The following BMPR1A variants were observed in gnomAD, a reference collection of about 807,000 sequenced individuals.
BMPR1A encodes the protein bone morphogenetic protein receptor type 1A.
BMPR1A carries 7 observed loss-of-function variants against 66.0 expected under a neutral mutation model. That is an observed-to-expected ratio of 0.11 (90% confidence interval 0.06 to 0.20). The LOEUF is 0.20. Ranked by LOEUF, BMPR1A falls within the 10% of genes least tolerant of loss-of-function variation. BMPR1A has a pLI of 1.00. For missense variants in BMPR1A, 408 were observed against 669.1 expected (o/e 0.61, Z 4.31); for synonymous variants, 200 against 229.7 (o/e 0.87, Z 1.17).
At chr10:86,790,174 AAAAAAAAAAAAAAAATATATATAT>A (rs1206252761) in intron 1 of BMPR1A, among the ~76,000 whole-genome samples, 12 of 38,394 alleles carry the variant, frequency 3.1e-4, no homozygotes, top group African/African-American at 8.4e-4. Context: ...AAAAAAAAAA[AAAAAAAAAAAAAAAATATATATAT>A]ATATATATAT....
intron 1 of BMPR1A, among the ~76,000 whole-genome samples, chr10:86,816,278 A>C (rs998229431): frequency 1.3e-5 from 2 of 152,236 alleles, no homozygotes; most frequent in African/African-American, 4.8e-5. Context: ...TTACATATTA[A>C]CATCTTGTAT....
In BMPR1A at chr10:86,838,955, A is replaced by G. The variant is rs1041400269; in HGVS notation, c.-177A>G. ...GCTGTTTGGAGAAAATCAGAAGTAC[A>G]GTTTTATCTAGCCACATCTTGGAGG... On this transcript the variant is annotated 5_prime_UTR_variant, in exon 2 of 13. Coordinates refer to ENST00000372037, the MANE Select transcript of BMPR1A (RefSeq NM_004329.3). The G allele has an allele frequency of 2.0e-5, 3 of 152,356 alleles. 1 individual carries two copies. In the South Asian group the frequency reaches 6.2e-4, roughly 32 times the overall value. 9.4% of individuals were successfully genotyped at this position (152,356 alleles called of 1,614,324 possible). A position where few individuals can be genotyped will look rare whatever the true frequency, so the allele number is the denominator to read the frequency against.
intron 1 of BMPR1A, among the ~76,000 whole-genome samples, chr10:86,821,110 A>G (rs1842114534): frequency 2.0e-5 from 3 of 152,184 alleles, no homozygotes; most frequent in Admixed American, 2.0e-4. Context: ...TATTGTGAGT[A>G]TATTTCCAAG....
At chr10:86,868,778 GTTTTTTT>G (rs55872033) in intron 2 of BMPR1A, among the ~76,000 whole-genome samples, 1 of 141,046 alleles carries the variant, frequency 7.1e-6, no homozygotes, top group African/African-American at 2.6e-5. Flanking sequence ...CTTTTCCTGT[GTTTTTTT>G]TTTTTTAAGT....
intron 7 of BMPR1A, among the ~76,000 whole-genome samples, chr10:86,901,373 C>T (rs149411520): frequency 1.8e-4 from 28 of 152,208 alleles, no homozygotes; most frequent in Middle Eastern, 3.4e-3. Flanking sequence ...ATCCAGTGTC[C>T]GACTTTCTGA....
In BMPR1A at chr10:86,771,438, A is replaced by C. The variant is rs537791374; in HGVS notation, c.-268+14519A>C. On this transcript the variant is annotated intron_variant, in intron 1 of 12. Transcript: ENST00000372037. ...ATATTTCCTTACTCTGAATCGATTT[A>C]ACCTTTACAAGTATTCTATGATATA... Among the ~76,000 whole-genome samples the C allele has an allele frequency of 2.7e-4, 41 of 152,372 alleles. No homozygotes were observed. In the South Asian group the frequency reaches 8.3e-3, roughly 31 times the overall value.
chr10:86,790,745 A>G (rs772962948), intron 1 of BMPR1A, among the ~76,000 whole-genome samples: 18 of 152,216 alleles, frequency 1.2e-4, no homozygotes, highest in Non-Finnish European at 2.4e-4. Flanking sequence ...GGAAAAGGTA[A>G]GTCCACAGAG....
intron 2 of BMPR1A, among the ~76,000 whole-genome samples, chr10:86,869,456 CAAA>C (rs56797101): frequency 1.2e-3 from 128 of 108,668 alleles, no homozygotes; most frequent in African/African-American, 2.2e-3. Context: ...GACTCTGTCT[CAAA>C]AAAAAAAAAA....
At chr10:86,908,319 C>T (rs1269712700) in intron 7 of BMPR1A, among the ~76,000 whole-genome samples, 2 of 152,188 alleles carry the variant, frequency 1.3e-5, no homozygotes, top group African/African-American at 4.8e-5. Context: ...ATGTACCCCC[C>T]AAAATATGTA....
chr10:86,800,425 G>A (rs546377366), intron 1 of BMPR1A, among the ~76,000 whole-genome samples: 16 of 152,188 alleles, frequency 1.1e-4, no homozygotes, highest in South Asian at 4.2e-4. Flanking sequence ...ACGGAGTTTC[G>A]CTCTTGTTGC....
intron 2 of BMPR1A, among the ~76,000 whole-genome samples, chr10:86,853,298 G>GAA (rs571826584): frequency 8.5e-5 from 12 of 141,422 alleles, no homozygotes; most frequent in Non-Finnish European, 1.4e-4. Context: ...TTTTTTCTAA[G>GAA]AAAAAAAAAA....
At chr10:86,873,241 C>G (rs1311827671) in intron 2 of BMPR1A, among the ~76,000 whole-genome samples, 1 of 152,008 alleles carries the variant, frequency 6.6e-6, no homozygotes, top group East Asian at 1.9e-4. Context: ...GCAGGAACAA[C>G]CATACTCATA....
At chr10:86,775,967 CTG>C (rs1303807161) in intron 1 of BMPR1A, among the ~76,000 whole-genome samples, 1 of 152,186 alleles carries the variant, frequency 6.6e-6, no homozygotes, top group Non-Finnish European at 1.5e-5. Flanking sequence ...GCAGCTCTGT[CTG>C]TTCCCTTGGC....
chr10:86,788,795 T>G lies in BMPR1A; in HGVS notation c.-268+31876T>G, dbSNP rs556735233. Among the ~76,000 whole-genome samples, 53 of 152,162 alleles carry G rather than the reference T, an allele frequency of 3.5e-4. No individual in the cohort carries two copies. In the South Asian group the frequency reaches 7.9e-3, roughly 23 times the overall value. On this transcript the variant is annotated intron_variant, in intron 1 of 12. Coordinates refer to ENST00000372037, the MANE Select transcript of BMPR1A (RefSeq NM_004329.3). The stretch of plus-strand genomic sequence containing the variant: ...CTTATTTTTGTATTTTTAGTAGAGA[T>G]AGGGTTTCATCATATTGGCCAGGCT...
chr10:86,895,429 T>C (rs987209798), intron 5 of BMPR1A, among the ~76,000 whole-genome samples: 1 of 152,046 alleles, frequency 6.6e-6, no homozygotes, highest in Middle Eastern at 3.4e-3. Context: ...TCCCAGCTAC[T>C]TGGGAGGCTG....
In BMPR1A at chr10:86,818,471, G is replaced by A. The variant is rs1212456456; in HGVS notation, c.-267-20394G>A. ...GTTCTTCGGTTAATAATTTTAGGGC[G>A]CAGATGAAGAGGCTTTCAGATTGCT... is the stretch of plus-strand genomic sequence containing the variant. On this transcript the variant is annotated intron_variant, in intron 1 of 12. Coordinates refer to ENST00000372037, the MANE Select transcript of BMPR1A (RefSeq NM_004329.3). 5.3e-5 allele frequency among the ~76,000 whole-genome samples: 8 copies of A among 152,256 alleles called. No homozygotes were observed. The South Asian group carries it at 6.2e-4, about 12-fold the overall frequency.
At chr10:86,790,765 T>G (rs182703935) in intron 1 of BMPR1A, among the ~76,000 whole-genome samples, 8 of 152,308 alleles carry the variant, frequency 5.3e-5, no homozygotes, top group Admixed American at 2.6e-4. Flanking sequence ...GAAAGTAGAT[T>G]AGTGATAAAA....
intron 1 of BMPR1A, among the ~76,000 whole-genome samples, 190 bp downstream of exon 1, chr10:86,757,109 C>CCCCGCGCCGCGT (rs1482197320): frequency 4.2e-4 from 63 of 151,500 alleles, no homozygotes; most frequent in Middle Eastern, 3.4e-3. Flanking sequence ...ACCCACGGCA[C>CCCCGCGCCGCGT]CCCGCGCCGC....
chr10:86,811,643 A>G (rs1429933205), intron 1 of BMPR1A, among the ~76,000 whole-genome samples: 1 of 152,122 alleles, frequency 6.6e-6, no homozygotes, highest in East Asian at 1.9e-4. Context: ...GCTTTTGTCT[A>G]TCTTACAGGC....
Sources: allele counts gnomAD v4.1 joint callset (sites outside exome capture counted in the v4.1 genomes callset), GRCh38; gene constraint gnomAD v4.1.1; transcripts MANE v1.5; gene names NCBI Gene and HGNC (gene_info 2026-07-23, HGNC 2026-07-21).